LRRTM4: variants seen among roughly 807,000 people sequenced by gnomAD.
The protein encoded by LRRTM4 is leucine-rich repeat transmembrane neuronal protein 4.
LRRTM4 carries 25 observed loss-of-function variants against 47.6 expected under a neutral mutation model. The observed-to-expected ratio is 0.53, with a 90% CI of 0.38 to 0.73. The LOEUF is 0.73. Ranked by LOEUF, LRRTM4 falls within the 30% of genes least tolerant of loss-of-function variation. The pLI, the probability that LRRTM4 is intolerant of heterozygous loss-of-function variation, is 0.00. For synonymous variants in LRRTM4, 311 were observed against 269.5 expected (o/e 1.15, Z -1.51); for missense variants, 638 against 713.4 (o/e 0.89, Z 1.20).
chr2:76,847,063 AG>A (rs1671857052), intron 3 of LRRTM4, among the ~76,000 whole-genome samples: 4 of 152,220 alleles, frequency 2.6e-5, no homozygotes, highest in African/African-American at 9.6e-5. Context: ...CTCTCCAGAT[AG>A]ATTAGATATC....
intron 3 of LRRTM4, among the ~76,000 whole-genome samples, chr2:77,236,739 T>A (rs373177956): frequency 1.4e-4 from 22 of 152,282 alleles, no homozygotes; most frequent in African/African-American, 5.3e-4. Context: ...GAAGTGATAC[T>A]GGATTTTATT....
intron 3 of LRRTM4, among the ~76,000 whole-genome samples, chr2:76,857,044 C>T (rs1038888848): frequency 1.3e-5 from 2 of 151,746 alleles, no homozygotes; most frequent in Non-Finnish European, 2.9e-5. Flanking sequence ...AAAACACATT[C>T]AAAAGTACAG....
In LRRTM4 at chr2:77,234,519, TTATAA is replaced by T. The variant is rs1323382516; in HGVS notation, c.1551+283794_1551+283798del. Among the ~76,000 whole-genome samples the T allele has an allele frequency of 5.3e-5, 8 of 152,308 alleles. No homozygotes were observed. In the East Asian group the frequency reaches 7.7e-4, roughly 15 times the overall value. On this transcript the variant is annotated intron_variant, in intron 3 of 3. Transcript: ENST00000409884. ...GATTAACAAGTATATTAAAAATTGA[TTATAA>T]TATATTTACAAATATTGTAATTATA...
chr2:76,844,770 T>C (rs1203390145), intron 3 of LRRTM4, among the ~76,000 whole-genome samples: 1 of 152,070 alleles, frequency 6.6e-6, no homozygotes, highest in Non-Finnish European at 1.5e-5. Context: ...TGCTTAGAGG[T>C]TTTTAATGAG....
At chr2:77,164,219 A>G (rs954095003) in intron 3 of LRRTM4, among the ~76,000 whole-genome samples, 1 of 152,244 alleles carries the variant, frequency 6.6e-6, no homozygotes, top group Admixed American at 6.5e-5. Context: ...AAAGCAGGTC[A>G]TTACATAATG....
chr2:77,145,745 G>A (rs1343832623), intron 3 of LRRTM4, among the ~76,000 whole-genome samples: 1 of 150,718 alleles, frequency 6.6e-6, no homozygotes, highest in East Asian at 1.9e-4. Context: ...CTACACTCCA[G>A]CCTGGGTGAC....
At chr2:77,207,345 A>G (rs866974418) in intron 3 of LRRTM4, among the ~76,000 whole-genome samples, 3 of 101,812 alleles carry the variant, frequency 2.9e-5, no homozygotes, top group Non-Finnish European at 6.2e-5. Context: ...AATTTCATAT[A>G]TGTGTATATA....
chr2:77,004,404 G>A (rs1327255728), intron 3 of LRRTM4, among the ~76,000 whole-genome samples: 1 of 152,184 alleles, frequency 6.6e-6, no homozygotes, highest in Non-Finnish European at 1.5e-5. Context: ...GAGGGTGCAA[G>A]CTCCAAGCCT....
chr2:77,122,782 C>G (rs1255733992), intron 3 of LRRTM4, among the ~76,000 whole-genome samples: 1 of 151,626 alleles, frequency 6.6e-6, no homozygotes, highest in African/African-American at 2.4e-5. Flanking sequence ...AAATATGGGA[C>G]AATAAACTGA....
intron 3 of LRRTM4, among the ~76,000 whole-genome samples, chr2:77,252,494 C>T (rs1006863830): frequency 1.3e-5 from 2 of 152,050 alleles, no homozygotes; most frequent in African/African-American, 4.8e-5. Context: ...TATGTAACCA[C>T]CCTCCTAAGT....
chr2:77,430,314 A>G (rs567217510), intron 3 of LRRTM4, among the ~76,000 whole-genome samples: 2 of 152,306 alleles, frequency 1.3e-5, no homozygotes, highest in East Asian at 3.9e-4. Context: ...CCATATAATC[A>G]CTTAAAATCT....
chr2:76,932,720 T>A (rs1185415492), intron 3 of LRRTM4, among the ~76,000 whole-genome samples: 1 of 152,110 alleles, frequency 6.6e-6, no homozygotes, highest in South Asian at 2.1e-4. Flanking sequence ...GTTCATATAT[T>A]CATAGACACA....
At chr2:77,148,373 T>C (rs1394567961) in intron 3 of LRRTM4, among the ~76,000 whole-genome samples, 1 of 152,162 alleles carries the variant, frequency 6.6e-6, no homozygotes. Context: ...GGGACTTTCA[T>C]TTAACTGCTA....
chr2:77,433,914 C>G (rs993926390), intron 3 of LRRTM4, among the ~76,000 whole-genome samples: 1 of 152,140 alleles, frequency 6.6e-6, no homozygotes, highest in Non-Finnish European at 1.5e-5. Context: ...TTCTGTCTTG[C>G]ATTTTAACCC....
chr2:77,296,546 CTT>C (rs896470523), intron 3 of LRRTM4, among the ~76,000 whole-genome samples: 1 of 152,142 alleles, frequency 6.6e-6, no homozygotes, highest in African/African-American at 2.4e-5. Context: ...AAACAACACT[CTT>C]TTTCCTTATA....
intron 3 of LRRTM4, among the ~76,000 whole-genome samples, chr2:77,440,409 G>T (rs1034431198): frequency 6.6e-6 from 1 of 151,644 alleles, no homozygotes. Context: ...GTGAGACTCC[G>T]CCTCAAAAAA....
chr2:76,918,675 C>A (rs1674333946), intron 3 of LRRTM4, among the ~76,000 whole-genome samples: 1 of 152,110 alleles, frequency 6.6e-6, no homozygotes, highest in Admixed American at 6.6e-5. Context: ...CATTTTCTTT[C>A]CCTTTTTTTC....
At position 76,928,646 on chromosome 2, in the gene LRRTM4, C is replaced by T. The variant is rs189075200; in HGVS notation, c.1552-179730G>A. Among the ~76,000 whole-genome samples, 16 of 152,218 alleles carry T rather than the reference C, an allele frequency of 1.1e-4. No homozygotes were observed. In the East Asian group the frequency reaches 3.1e-3, roughly 29 times the overall value. On this transcript the variant is annotated intron_variant, in intron 3 of 3. Transcript: ENST00000409884. ...AGATGGGCATTCAGGGAAACCAACT[C>T]ACCTTCTTTTTACATGAATAGGAAA... is the stretch of plus-strand genomic sequence containing the variant.
Position 76,794,562 on chromosome 2 carries a change from T to TATATGCTTTTTATTGATTTTACTAACCA in LRRTM4, c.1552-45674_1552-45647dup, listed in dbSNP as rs1202838864. Among the ~76,000 whole-genome samples, 3 of 152,358 alleles carry TATATGCTTTTTATTGATTTTACTAACCA rather than the reference T, an allele frequency of 2.0e-5. No homozygotes were observed. In the East Asian group the frequency reaches 5.8e-4, roughly 29 times the overall value. On this transcript the variant is annotated intron_variant, in intron 3 of 3. Coordinates refer to ENST00000409884, the MANE Select transcript of LRRTM4 (RefSeq NM_001134745.3). ...CTTAATTGAATTGCTTTATTAATTC[T>TATATGCTTTTTATTGATTTTACTAACCA]ATATGCTTTTTATTGATTTTACTAA...
Sources: allele counts gnomAD v4.1 joint callset (sites outside exome capture counted in the v4.1 genomes callset), GRCh38; gene constraint gnomAD v4.1.1; transcripts MANE v1.5; gene names NCBI Gene and HGNC (gene_info 2026-07-23, HGNC 2026-07-21).